The following CDK12 variants were observed in gnomAD, a reference collection of about 807,000 sequenced individuals.
CDK12 encodes the protein cyclin dependent kinase 12.
Under a neutral mutation model 133.8 loss-of-function variants are expected in CDK12, and 17 were observed. That is an observed-to-expected ratio of 0.13 (90% CI 0.09 to 0.19). CDK12 has a LOEUF of 0.19. Among genes scored for constraint, CDK12 ranks in the 10% least tolerant of loss-of-function variants. CDK12 has a pLI of 1.00. For missense variants in CDK12, 1,508 were observed against 1,818.7 expected (o/e 0.83, Z 3.11); for synonymous variants, 694 against 683.6 (o/e 1.02, Z -0.24).
intron 6 of CDK12, among the ~76,000 whole-genome samples, chr17:39,508,498 G>A (rs1163423626): frequency 3.9e-5 from 6 of 152,094 alleles, no homozygotes; most frequent in South Asian, 2.1e-4. Flanking sequence ...CCAACATCTC[G>A]TCTTGCAGTT....
intron 1 of CDK12, among the ~76,000 whole-genome samples, chr17:39,465,517 T>C (rs1187949621): frequency 6.6e-6 from 1 of 151,758 alleles, no homozygotes; most frequent in East Asian, 1.9e-4. Flanking sequence ...GACAGAGTCT[T>C]GTTTTGTTGC....
At chr17:39,544,065 G>A (rs1429302422), upstream of CDK12, 2 of 344,482 alleles carry the variant, frequency 5.8e-6, no homozygotes, top group South Asian at 2.3e-5. Context: ...GACTCTCTCT[G>A]GGAGTGTACT....
rs991384560 is a variant in CDK12, at chr17:39,532,598, T to A, written c.*1282T>A. 39 of 232,254 alleles carry A rather than the reference T, an allele frequency of 1.7e-4. No homozygotes were observed. Among genetic ancestry groups the A allele is most frequent in the Non-Finnish European group, 1.7e-4 (20 of 117,398 alleles). The allele number at this position is 232,254 out of a possible 1,614,324, so 14.4% of individuals were successfully genotyped here. ...AGATACATCAATACCTGACCTTTTT[T>A]AAAAAAATAATTTTAAAACAGCATA... On this transcript the variant is annotated 3_prime_UTR_variant, in exon 14 of 14. Coordinates refer to ENST00000447079, the MANE Select transcript of CDK12 (RefSeq NM_016507.4).
intron 8 of CDK12, among the ~76,000 whole-genome samples, chr17:39,513,792 C>T (rs1402041599): frequency 6.6e-6 from 1 of 152,166 alleles, no homozygotes; most frequent in Non-Finnish European, 1.5e-5. Context: ...TTGATGTGAA[C>T]TTACTACTTT....
intron 2 of CDK12, among the ~76,000 whole-genome samples, chr17:39,486,074 T>C (rs1759629831): frequency 6.6e-6 from 1 of 151,360 alleles, no homozygotes; most frequent in African/African-American, 2.4e-5. Context: ...TTCCTCAGGT[T>C]CCCAAGTAGC....
At position 39,509,711 on chromosome 17, in the gene CDK12, A is replaced by G. The variant is rs779562518; in HGVS notation, c.2616A>G (p.Gln872=). Residue 872 remains glutamine (Q), a synonymous_variant, in exon 7 of 14, where the codon CAA becomes CAG. Transcript: ENST00000447079. ...ATTGTTTTTTGTTTTACAGTGGGCA[A>G]ATCAAACTAGCAGATTTTGGACTTG... ...CSNILLNNSG[Q]IKLADFGLAR... 16 of 1,612,814 alleles carry G rather than the reference A, an allele frequency of 9.9e-6. No homozygotes were observed. The highest frequency in any genetic ancestry group is 1.7e-6 in the Non-Finnish European group (2 of 1,178,752).
chr17:39,484,231 A>G (rs1338585783), intron 2 of CDK12, among the ~76,000 whole-genome samples: 1 of 152,200 alleles, frequency 6.6e-6, no homozygotes, highest in East Asian at 1.9e-4. Context: ...TACTATTCAT[A>G]TTCTAAAAGT....
intron 2 of CDK12, among the ~76,000 whole-genome samples, chr17:39,473,879 C>T (rs1332268165): frequency 4.0e-5 from 6 of 148,900 alleles, no homozygotes; most frequent in African/African-American, 7.4e-5. Context: ...AGCCAGACTC[C>T]GTCTCAAAAA....
At chr17:39,473,778 G>A (rs926016770) in intron 2 of CDK12, among the ~76,000 whole-genome samples, 8 of 151,922 alleles carry the variant, frequency 5.3e-5, no homozygotes, top group African/African-American at 1.9e-4. Flanking sequence ...CCAGCTACTC[G>A]GGAGGCTGAG....
Position 39,495,248 on chromosome 17 carries a change from T to G in CDK12, c.2419+554T>G, listed in dbSNP as rs554301544. ...ATGCGCCATCATTCCGGGCTTATTT[T>G]TGTATATTTAGTGGAGAGGAGGTTT... On this transcript the variant is annotated intron_variant, in intron 5 of 13. Transcript: ENST00000447079. 1.1e-4 allele frequency among the ~76,000 whole-genome samples: 17 copies of G among 151,822 alleles called. No individual in the cohort carries two copies. The East Asian group carries it at 2.7e-3, about 24-fold the overall frequency.
intron 13 of CDK12, among the ~76,000 whole-genome samples, chr17:39,529,132 G>A (rs139125954): frequency 2.0e-5 from 3 of 152,224 alleles, no homozygotes; most frequent in South Asian, 2.1e-4. Flanking sequence ...GAACTGTCCC[G>A]GTTTTAAAGC....
intron 2 of CDK12, among the ~76,000 whole-genome samples, chr17:39,478,629 C>T (rs994084197): frequency 1.3e-5 from 2 of 152,008 alleles, no homozygotes; most frequent in Non-Finnish European, 2.9e-5. Flanking sequence ...TTGTTTGAGC[C>T]CATGTGTTTT....
chr17:39,516,711 G>A (rs2053830161), intron 9 of CDK12, among the ~76,000 whole-genome samples: 1 of 141,200 alleles, frequency 7.1e-6, no homozygotes, highest in East Asian at 2.1e-4. Flanking sequence ...CACCCAGGCT[G>A]GAGTGCAGTG....
intron 5 of CDK12, among the ~76,000 whole-genome samples, chr17:39,495,933 A>G (rs904350574): frequency 6.6e-6 from 1 of 151,644 alleles, no homozygotes; most frequent in East Asian, 1.9e-4. Flanking sequence ...TTTTTTTGAG[A>G]CAGAGTCTTA....
chr17:39,468,282 T>G (rs2145107105), intron 1 of CDK12, among the ~76,000 whole-genome samples: 1 of 152,330 alleles, frequency 6.6e-6, no homozygotes. Flanking sequence ...GCTGCCATTA[T>G]GCAAGTTGTT....
At chr17:39,548,021 C>T (rs890945362), upstream of CDK12, among the ~76,000 whole-genome samples, 1 of 152,170 alleles carries the variant, frequency 6.6e-6, no homozygotes, top group Non-Finnish European at 1.5e-5. Context: ...ATCTTCATGT[C>T]TTCTGTCTAC....
intron 2 of CDK12, among the ~76,000 whole-genome samples, chr17:39,553,180 T>TA: frequency 6.6e-6 from 1 of 152,292 alleles, no homozygotes; most frequent in Middle Eastern, 3.4e-3. Flanking sequence ...GCTCAACTCT[T>TA]ACTCTAATAG....
downstream of CDK12, among the ~76,000 whole-genome samples, chr17:39,539,171 G>C (rs534321898): frequency 1.3e-5 from 2 of 152,286 alleles, no homozygotes; most frequent in East Asian, 3.9e-4. Flanking sequence ...AGTTAGGACT[G>C]ATAGGGACCA....
At chr17:39,542,573 G>A (rs1291456169) in intron 1 of CDK12, among the ~76,000 whole-genome samples, 3 of 151,246 alleles carry the variant, frequency 2.0e-5, no homozygotes, top group South Asian at 2.1e-4. Flanking sequence ...GCAATGGTAC[G>A]ATCTTGGCTC....
Sources: allele counts gnomAD v4.1 joint callset (sites outside exome capture counted in the v4.1 genomes callset), GRCh38; gene constraint gnomAD v4.1.1; transcripts MANE v1.5; gene names NCBI Gene and HGNC (gene_info 2026-07-23, HGNC 2026-07-21).